Variants in RASA2 observed in about 807,000 individuals in gnomAD.
The protein encoded by RASA2 is RAS p21 protein activator 2.
RASA2 carries 155 observed loss-of-function variants against 118.2 expected under a neutral mutation model. The observed-to-expected ratio is 1.31, with a 90% CI of 1.15 to 1.50. The LOEUF (loss-of-function observed/expected upper bound fraction) is 1.50, where lower values mean the gene tolerates loss of function less well. Among genes scored for constraint, RASA2 ranks in the 40% most tolerant of loss-of-function variants. The pLI, the probability that RASA2 is intolerant of heterozygous loss-of-function variation, is 0.00. For synonymous variants in RASA2, 353 were observed against 349.1 expected (o/e 1.01, Z -0.12); for missense variants, 1,016 against 1,009.6 (o/e 1.01, Z -0.09).
intron 19 of RASA2, among the ~76,000 whole-genome samples, chr3:141,603,068 T>TA (rs2083491548): frequency 6.6e-6 from 1 of 152,216 alleles, no homozygotes; most frequent in Admixed American, 6.5e-5. Flanking sequence ...CCACAGTTCT[T>TA]ACCCTATGCG....
intron 4 of RASA2, among the ~76,000 whole-genome samples, chr3:141,531,095 CCAGT>C (rs1272854143): frequency 3.3e-5 from 5 of 152,118 alleles, no homozygotes; most frequent in South Asian, 2.1e-4. Context: ...CTGTTTACCA[CCAGT>C]CAGTCTGGTG....
chr3:141,587,285 G>A (rs1490023854), intron 19 of RASA2, among the ~76,000 whole-genome samples: 3 of 152,240 alleles, frequency 2.0e-5, no homozygotes, highest in African/African-American at 7.2e-5. Context: ...GCCTTTACAA[G>A]TGGGCTATTT....
intron 3 of RASA2, among the ~76,000 whole-genome samples, chr3:141,524,561 T>C (rs2082158536): frequency 6.6e-6 from 1 of 152,156 alleles, no homozygotes; most frequent in Admixed American, 6.5e-5. Flanking sequence ...CATTTTTCTA[T>C]AGACAGTAAT....
At chr3:141,506,365 T>C (rs2081866766) in intron 1 of RASA2, among the ~76,000 whole-genome samples, 1 of 152,266 alleles carries the variant, frequency 6.6e-6, no homozygotes, top group Non-Finnish European at 1.5e-5. Context: ...CTTTTGCATA[T>C]TGCAGGACTC....
Position 141,584,958 on chromosome 3 carries a change from A to G in RASA2, c.1753-1067A>G, listed in dbSNP as rs181990048. Among the ~76,000 whole-genome samples the G allele has an allele frequency of 4.8e-3, 734 of 152,286 alleles. 8 individuals carry two copies. The highest frequency in any genetic ancestry group is 0.017 in the African/African-American group (692 of 41,550). ...ATTCAAAATCCAGAATGCACCAGCA[A>G]GCATTTCCTTTGAATATCCTGTTGG... On this transcript the variant is annotated intron_variant, in intron 17 of 23. Transcript: ENST00000286364.
chr3:141,559,298 AT>A (rs1006521835), intron 8 of RASA2, among the ~76,000 whole-genome samples: 9 of 151,694 alleles, frequency 5.9e-5, no homozygotes, highest in South Asian at 2.1e-4. Flanking sequence ...CAATTTAGAA[AT>A]TTTTTTTTAT....
In RASA2 at chr3:141,529,812, A is replaced by G. The variant is rs2082235198; in HGVS notation, c.450+10A>G. On this transcript the variant is annotated intron_variant, in intron 4 of 23. Coordinates refer to ENST00000286364, the MANE Select transcript of RASA2 (RefSeq NM_006506.5). ...CAATTCAGAGGTTCAGGTAAATATT[A>G]AGGCTTATGTAATACAAGAGATTGT... 4 of 1,570,316 alleles carry G rather than the reference A, an allele frequency of 2.5e-6. No homozygotes were observed. The highest frequency in any genetic ancestry group is 3.5e-6 in the Non-Finnish European group (4 of 1,142,560).
chr3:141,582,064 T>C (rs1470384565), intron 17 of RASA2, among the ~76,000 whole-genome samples: 1 of 152,238 alleles, frequency 6.6e-6, no homozygotes, highest in Non-Finnish European at 1.5e-5. Flanking sequence ...GTATTTTATG[T>C]ATCACAGTCT....
intron 3 of RASA2, among the ~76,000 whole-genome samples, chr3:141,524,759 T>G (rs946454172): frequency 1.3e-5 from 2 of 152,004 alleles, no homozygotes; most frequent in African/African-American, 4.8e-5. Context: ...CTCGGCTAAT[T>G]TTTTGTATTT....
At chr3:141,587,580 G>T (rs1048985057) in intron 19 of RASA2, among the ~76,000 whole-genome samples, 1 of 152,062 alleles carries the variant, frequency 6.6e-6, no homozygotes, top group Admixed American at 6.6e-5. Context: ...TGGGCATGGT[G>T]GCGCATGCCT....
intron 1 of RASA2, among the ~76,000 whole-genome samples, chr3:141,507,728 A>G (rs1339285253): frequency 6.6e-6 from 1 of 152,196 alleles, no homozygotes; most frequent in Non-Finnish European, 1.5e-5. Flanking sequence ...TTCAACAAAT[A>G]CTGCTGTGAA....
chr3:141,583,385 A>G (rs976207911), intron 17 of RASA2, among the ~76,000 whole-genome samples: 1 of 152,198 alleles, frequency 6.6e-6, no homozygotes, highest in Admixed American at 6.5e-5. Flanking sequence ...AGATCATGCC[A>G]TTGCACTCCA....
chr3:141,615,045 T>C lies in RASA2; in HGVS notation c.*2732T>C, dbSNP rs1057314947. On this transcript the variant is annotated 3_prime_UTR_variant, in exon 24 of 24. Coordinates refer to ENST00000286364, the MANE Select transcript of RASA2 (RefSeq NM_006506.5). ...TTCTGCATAGCCTTTTAGGTGTTTT[T>C]ACAGTATGTGAAAAATACAAGACTC... is the stretch of plus-strand genomic sequence containing the variant. The C allele has an allele frequency of 2.0e-5, 3 of 152,206 alleles. No individual in the cohort carries two copies. Among genetic ancestry groups the C allele is most frequent in the African/African-American group, 7.2e-5 (3 of 41,464 alleles). The allele number at this position is 152,206 out of a possible 1,614,324, so 9.4% of individuals were successfully genotyped here.
intron 1 of RASA2, among the ~76,000 whole-genome samples, chr3:141,499,788 G>A (rs561425146): frequency 1.2e-4 from 19 of 152,190 alleles, no homozygotes; most frequent in East Asian, 7.7e-4. Context: ...TAGTAGAGGC[G>A]GCATTTCGCC....
chr3:141,487,508 G>T (rs1161139055), intron 1 of RASA2, among the ~76,000 whole-genome samples: 1 of 151,910 alleles, frequency 6.6e-6, no homozygotes, highest in Non-Finnish European at 1.5e-5. Flanking sequence ...GTGGGGAGCG[G>T]CCTGGACGCG....
intron 9 of RASA2, among the ~76,000 whole-genome samples, chr3:141,567,760 A>G (rs975182206): frequency 2.6e-5 from 4 of 152,218 alleles, no homozygotes; most frequent in African/African-American, 9.6e-5. Context: ...ACTCTTCCTC[A>G]GTATAAGTAA....
At chr3:141,544,727 A>G (rs765280119) in intron 5 of RASA2, among the ~76,000 whole-genome samples, 2 of 152,236 alleles carry the variant, frequency 1.3e-5, no homozygotes, top group Non-Finnish European at 2.9e-5. Flanking sequence ...TAGCAAAGAC[A>G]TGGAATCAAC....
At chr3:141,562,978 A>T (rs753046760) in intron 9 of RASA2, among the ~76,000 whole-genome samples, 2 of 152,188 alleles carry the variant, frequency 1.3e-5, no homozygotes, top group African/African-American at 2.4e-5. Flanking sequence ...GCCCACGTTC[A>T]GTTATTAATA....
At chr3:141,604,436 A>G (rs970548925) in intron 19 of RASA2, among the ~76,000 whole-genome samples, 1 of 152,116 alleles carries the variant, frequency 6.6e-6, no homozygotes, top group Non-Finnish European at 1.5e-5. Context: ...TCTACAGTTG[A>G]TCCAAGTCTC....
Sources: gnomAD v4.1 joint callset for allele counts (sites outside exome capture counted in the v4.1 genomes callset) on GRCh38, gnomAD v4.1.1 for gene constraint, MANE v1.5 for transcripts, NCBI Gene and HGNC (gene_info 2026-07-23, HGNC 2026-07-21) for gene names.